The following DCP1B variants were observed in gnomAD, a reference collection of about 807,000 sequenced individuals.
DCP1B encodes decapping mRNA 1B.
A neutral mutation model predicts 60.5 loss-of-function variants in DCP1B; 47 were observed. The ratio of observed to expected loss-of-function variants is 0.78; its 90% confidence interval spans 0.61 to 0.99. The LOEUF (loss-of-function observed/expected upper bound fraction) is 0.99, where lower values mean the gene tolerates loss of function less well. Among genes scored for constraint, DCP1B ranks in the 50% least tolerant of loss-of-function variants. DCP1B has a pLI of 0.00. For synonymous variants in DCP1B, 267 were observed against 280.3 expected (o/e 0.95, Z 0.47); for missense variants, 725 against 756.8 (o/e 0.96, Z 0.49).
chr12:1,952,622 G>A lies in DCP1B; in HGVS notation c.1318C>T (p.Gln440Ter). The A allele has an allele frequency of 6.2e-7, 1 of 1,614,180 alleles. No homozygotes were observed. Among genetic ancestry groups the A allele is most frequent in the Non-Finnish European group, 8.5e-7 (1 of 1,180,028 alleles). The change falls in exon 7 of 9, where the codon CAG becomes TAG. Residue 440 changes from glutamine (Q) to a stop codon, truncating the protein, a stop_gained. Transcript: ENST00000280665. LOFTEE classifies it high-confidence loss of function. ...GAGATCACTCCAGAGCTGCCAGTCTGACTACCAGAGATGGGGAGTGTTTGT... is the reference window on the plus strand; with the variant it reads ...GAGATCACTCCAGAGCTGCCAGTCTAACTACCAGAGATGGGGAGTGTTTGT... ...PRQTLPISGS[Q>*]TGSSGVISPQ...
intron 7 of DCP1B, among the ~76,000 whole-genome samples, chr12:1,951,694 G>T (rs2030674945): frequency 6.6e-6 from 1 of 152,184 alleles, no homozygotes; most frequent in African/African-American, 2.4e-5. Context: ...TTTATTTCAA[G>T]AACCTACAGC....
Position 2,004,421 on chromosome 12 carries a change from A to G in DCP1B, c.11T>C (p.Val4Ala), listed in dbSNP as rs1436738676. Residue 4 changes from valine (V) to alanine (A), a missense_variant, in exon 1 of 9, where the codon GTG becomes GCG. Val to Ala is a moderately conservative substitution (Grantham distance 64, BLOSUM62 0). Transcript: ENST00000280665. ...CTTTCCCACCAGGCCGCCTGCCGCC[A>G]CGGCTGCCATCTTCCCTCCCTCCCA... MAA[V>A]AAGGLVGKGR... 1 of 1,609,580 alleles carries G rather than the reference A, an allele frequency of 6.2e-7. No homozygotes were observed. Among genetic ancestry groups the G allele is most frequent in the African/African-American group, 1.3e-5 (1 of 74,848 alleles).
At position 1,946,131 on chromosome 12, in the gene DCP1B, C is replaced by A; in HGVS notation, c.*75G>T. On this transcript the variant is annotated 3_prime_UTR_variant, in exon 9 of 9. Coordinates refer to ENST00000280665, the MANE Select transcript of DCP1B (RefSeq NM_152640.5). ...AAAAAGGCAGAAACATTGAAGGAAA[C>A]AACACTCAACATGAAAGAACCTTGT... The A allele has an allele frequency of 1.7e-6, 2 of 1,159,582 alleles. No individual in the cohort carries two copies. The highest frequency in any genetic ancestry group is 1.8e-5 in the South Asian group (1 of 54,412). The allele number at this position is 1,159,582 out of a possible 1,614,324, so 71.8% of individuals were successfully genotyped here.
chr12:2,002,081 T>C (rs559286540), intron 1 of DCP1B, among the ~76,000 whole-genome samples: 1 of 152,336 alleles, frequency 6.6e-6, no homozygotes, highest in South Asian at 2.1e-4. Flanking sequence ...CACATAATCT[T>C]TCTTAATCCT....
chr12:2,001,105 C>T (rs1593419010), intron 1 of DCP1B, among the ~76,000 whole-genome samples: 2 of 151,914 alleles, frequency 1.3e-5, no homozygotes, highest in South Asian at 2.1e-4. Context: ...AAACGTCAGG[C>T]GCTCTATGAC....
rs1226612048 is a variant in DCP1B, at chr12:1,993,215, T to G, written c.319+49A>C. 4 of 1,613,652 alleles carry G rather than the reference T, an allele frequency of 2.5e-6. No individual in the cohort carries two copies. The South Asian group carries it at 4.4e-5, about 18-fold the overall frequency. ...CAAACACTGTACAATTTTAAACACT[T>G]GGCCAAACTTCAGAAGTAAAACAAC... On this transcript the variant is annotated intron_variant, in intron 3 of 8. Transcript: ENST00000280665.
intron 3 of DCP1B, among the ~76,000 whole-genome samples, chr12:1,981,561 T>C (rs1389054417): frequency 6.6e-6 from 1 of 152,212 alleles, no homozygotes; most frequent in East Asian, 1.9e-4. Flanking sequence ...TAGCATGTTA[T>C]TTTGAACATA....
Position 1,966,075 on chromosome 12 carries a change from C to T in DCP1B, c.387-382G>A, listed in dbSNP as rs373683005. 3 of 166,820 alleles carry T rather than the reference C, an allele frequency of 1.8e-5. No individual in the cohort carries two copies. In the East Asian group the frequency reaches 5.4e-4, roughly 30 times the overall value. The allele number at this position is 166,820 out of a possible 1,614,324, so 10.3% of individuals were successfully genotyped here. A position where few individuals can be genotyped will look rare whatever the true frequency, so the allele number is the denominator to read the frequency against. On this transcript the variant is annotated intron_variant, in intron 4 of 8. Coordinates refer to ENST00000280665, the MANE Select transcript of DCP1B (RefSeq NM_152640.5). ...CCTATGGACTGCAAAGCCTAAAATA[C>T]TCACTCTCTGGTCCCTTTGAGAAGA...
intron 3 of DCP1B, among the ~76,000 whole-genome samples, chr12:1,981,840 T>A (rs988554663): frequency 6.6e-6 from 1 of 152,118 alleles, no homozygotes; most frequent in Non-Finnish European, 1.5e-5. Context: ...CTGGTAGAGA[T>A]TGGTCAGAAT....
In DCP1B at chr12:1,987,228, G is replaced by A. The variant is rs892692163; in HGVS notation, c.319+6036C>T. On this transcript the variant is annotated intron_variant, in intron 3 of 8. Transcript: ENST00000280665. Reference sequence around the variant, plus strand: ...CCTCTATACAGTTTTATTCTTGAATGGATTTTCCTACAGAAATAATCCTAC... The same window carrying A: ...CCTCTATACAGTTTTATTCTTGAATAGATTTTCCTACAGAAATAATCCTAC... Among the ~76,000 whole-genome samples the A allele has an allele frequency of 5.9e-4, 90 of 152,278 alleles. 3 individuals are homozygous for A. Among genetic ancestry groups the A allele is most frequent in the Admixed American group, 5.0e-3 (77 of 15,306 alleles).
At chr12:1,950,738 T>C (rs2030637184) in intron 7 of DCP1B, among the ~76,000 whole-genome samples, 1 of 152,132 alleles carries the variant, frequency 6.6e-6, no homozygotes, top group Non-Finnish European at 1.5e-5. Context: ...CCTCAACTTC[T>C]TGGGCTCAAG....
intron 1 of DCP1B, among the ~76,000 whole-genome samples, chr12:2,002,909 A>T (rs1490923717): frequency 6.6e-6 from 1 of 150,416 alleles, no homozygotes; most frequent in African/African-American, 2.5e-5. Flanking sequence ...AAAAACAAAC[A>T]AACAAAAACA....
intron 3 of DCP1B, among the ~76,000 whole-genome samples, chr12:1,982,131 A>G (rs193126818): frequency 3.0e-4 from 46 of 152,304 alleles, no homozygotes; most frequent in Non-Finnish European, 1.2e-4. Context: ...TGGAGGGGAT[A>G]AGCCAGATGT....
intron 5 of DCP1B, among the ~76,000 whole-genome samples, chr12:1,964,504 T>C (rs775523666): frequency 6.6e-6 from 1 of 152,208 alleles, no homozygotes; most frequent in Non-Finnish European, 1.5e-5. Flanking sequence ...TCTCTTTTCC[T>C]AGATTATAAA....
chr12:1,986,673 T>TTC (rs917568851), intron 3 of DCP1B, among the ~76,000 whole-genome samples: 36 of 150,878 alleles, frequency 2.4e-4, no homozygotes, highest in African/African-American at 8.8e-4. Context: ...TGTTATTTTT[T>TTC]TTTTCCTAGC....
intron 3 of DCP1B, among the ~76,000 whole-genome samples, chr12:1,989,176 G>A (rs2038679612): frequency 6.6e-6 from 1 of 152,120 alleles, no homozygotes; most frequent in Non-Finnish European, 1.5e-5. Context: ...TTGAGGCCAG[G>A]AATTTGAAAC....
In DCP1B at chr12:1,968,318, C is replaced by T. The variant is rs188489959; in HGVS notation, c.320-408G>A. 1.9e-3 allele frequency among the ~76,000 whole-genome samples: 291 copies of T among 149,358 alleles called. 1 individual carries two copies. The highest frequency in any genetic ancestry group is 0.014 in the Middle Eastern group (4 of 282). On this transcript the variant is annotated intron_variant, in intron 3 of 8. Coordinates refer to ENST00000280665, the MANE Select transcript of DCP1B (RefSeq NM_152640.5). ...TGTGAGCCAGGATCGCGCCATTGGACGCCAGCCTGGATGAAAAGAGGGAAA... is the reference window on the plus strand; with the variant it reads ...TGTGAGCCAGGATCGCGCCATTGGATGCCAGCCTGGATGAAAAGAGGGAAA...
intron 5 of DCP1B, among the ~76,000 whole-genome samples, chr12:1,958,526 C>G (rs2030988368): frequency 1.4e-5 from 2 of 146,544 alleles, no homozygotes; most frequent in Non-Finnish European, 3.0e-5. Flanking sequence ...CCTAACGTCG[C>G]TCTGCGCAAT....
chr12:1,944,723 C>T (rs1422551220), downstream of DCP1B, among the ~76,000 whole-genome samples: 1 of 152,190 alleles, frequency 6.6e-6, no homozygotes, highest in Non-Finnish European at 1.5e-5. Flanking sequence ...GGAAAACTGG[C>T]TAGCCATATG....
Sources: gnomAD v4.1 joint callset for allele counts (sites outside exome capture counted in the v4.1 genomes callset) on GRCh38, gnomAD v4.1.1 for gene constraint, MANE v1.5 for transcripts, NCBI Gene and HGNC (gene_info 2026-07-23, HGNC 2026-07-21) for gene names.